Variants in TRPM5 observed in about 807,000 individuals in gnomAD.
The protein encoded by TRPM5 is transient receptor potential cation channel subfamily M member 5, also known as MLSN1 and TRP-related.
TRPM5 carries 121 observed loss-of-function variants against 124.9 expected under a neutral mutation model. The ratio of observed to expected loss-of-function variants is 0.97; its 90% CI spans 0.84 to 1.13. TRPM5 has a LOEUF of 1.13. Ranked by LOEUF, TRPM5 falls within the 50% of genes most tolerant of loss-of-function variation. The probability of loss-of-function intolerance (pLI) is 0.00; values close to 1 mark genes in which losing one functional copy is unlikely to be tolerated. For missense variants in TRPM5, 1,643 were observed against 1,589.1 expected, an observed-to-expected ratio of 1.03 and a Z score of -0.58; for synonymous variants, 781 against 700.5, an observed-to-expected ratio of 1.11 and a Z score of -1.81.
intron 3 of TRPM5, among the ~76,000 whole-genome samples, chr11:2,420,619 G>A (rs1412869819): frequency 6.6e-6 from 1 of 152,248 alleles, no homozygotes; most frequent in Non-Finnish European, 1.5e-5. Context: ...CAGGGGCGGT[G>A]GGGAGCGGGT....
intron 3 of TRPM5, 88 bp from the exon 9 acceptor site, chr11:2,420,493 C>A: frequency 7.1e-7 from 1 of 1,400,382 alleles, no homozygotes; most frequent in Non-Finnish European, 9.6e-7. Context: ...AGGCCGTGCA[C>A]ACCACGCCAT....
At chr11:2,440,109 A>G in the TRPM5 span, among the ~76,000 whole-genome samples, 2 of 152,146 alleles carry the variant, frequency 1.3e-5, no homozygotes, top group Non-Finnish European at 2.9e-5. The surrounding 1 kb of genome is among the most constrained non-coding windows in gnomAD (Gnocchi z 5.2). Flanking sequence ...GTTCTCACTT[A>G]TAAGTGGGAA....
the TRPM5 span, among the ~76,000 whole-genome samples, chr11:2,429,496 GTGT>G: frequency 6.6e-6 from 1 of 151,830 alleles, no homozygotes; most frequent in East Asian, 1.9e-4. The surrounding 1 kb of genome is among the most constrained non-coding windows in gnomAD (Gnocchi z 8.4). Context: ...TGTACTGGTG[GTGT>G]TGGTGATGGT....
At chr11:2,405,813 A>G (rs1850307919) in intron 22 of TRPM5, among the ~76,000 whole-genome samples, 1 of 152,164 alleles carries the variant, frequency 6.6e-6, no homozygotes, top group African/African-American at 2.4e-5. Flanking sequence ...TTAAGGCTGT[A>G]GCCTCCCAAG....
At chr11:2,409,332 A>G (rs1850394699) in intron 18 of TRPM5, among the ~76,000 whole-genome samples, 1 of 151,520 alleles carries the variant, frequency 6.6e-6, no homozygotes, top group Non-Finnish European at 1.5e-5. Context: ...CAGCCTGGAG[A>G]GCCTGTTTGT....
intron 5 of TRPM5, 84 bp from the exon 11 acceptor site, chr11:2,418,442 T>C (rs79070020): frequency 6.5e-7 from 1 of 1,541,486 alleles, no homozygotes; most frequent in Admixed American, 2.0e-5. Flanking sequence ...CCCCATCCCT[T>C]CAGCCCTGTC....
chr11:2,413,253 C>T lies in TRPM5; in HGVS notation c.2004-27G>A, dbSNP rs183407787. 394 of 1,511,078 alleles carry T rather than the reference C, an allele frequency of 2.6e-4. No homozygotes were observed. The African/African-American group carries it at 3.8e-3, about 15-fold the overall frequency. 93.6% of individuals were successfully genotyped at this position (1,511,078 alleles called of 1,614,324 possible). A position where few individuals can be genotyped will look rare whatever the true frequency, so the allele number is the denominator to read the frequency against. Reference sequence around the variant, plus strand: ...TGCGAGCACAGGAGAGCTCAGGGCCCGCAGGAAGGGCTCCCAGAGGCGCCT... The same window carrying T: ...TGCGAGCACAGGAGAGCTCAGGGCCTGCAGGAAGGGCTCCCAGAGGCGCCT... On this transcript the variant is annotated intron_variant, in intron 13 of 23. Coordinates refer to ENST00000155858, the Ensembl canonical transcript of TRPM5.
chr11:2,414,009 G>GGGGGC, intron 12 of TRPM5, 52 bp downstream of exon 17: 3 of 1,023,722 alleles, frequency 2.9e-6, no homozygotes, highest in Non-Finnish European at 4.3e-6. Flanking sequence ...GGCCCAGCTC[G>GGGGGC]CCCGCCCACC....
intron 23 of TRPM5, among the ~76,000 whole-genome samples, 155 bp from the exon 29 acceptor site, chr11:2,405,198 A>C (rs1219333449): frequency 6.6e-6 from 1 of 152,224 alleles, no homozygotes; most frequent in Admixed American, 6.5e-5. Context: ...GCCCAGAGAC[A>C]ACCAGGCCTC....
upstream of TRPM5, among the ~76,000 whole-genome samples, chr11:2,426,215 A>G (rs1845838930): frequency 2.0e-5 from 3 of 152,126 alleles, no homozygotes; most frequent in Non-Finnish European, 4.4e-5. Flanking sequence ...AGCTGAGGTC[A>G]GGGAAGCCGA....
At chr11:2,430,253 C>A in the TRPM5 span, among the ~76,000 whole-genome samples, 1 of 150,696 alleles carries the variant, frequency 6.6e-6, no homozygotes, top group Non-Finnish European at 1.5e-5. Context: ...CAGATACTGG[C>A]AGAACCTGGA....
At chr11:2,428,776 G>C in the TRPM5 span, among the ~76,000 whole-genome samples, 1 of 151,892 alleles carries the variant, frequency 6.6e-6, no homozygotes, top group African/African-American at 2.4e-5. The surrounding 1 kb of genome is among the most constrained non-coding windows in gnomAD (Gnocchi z 4.0). Flanking sequence ...GATGATGATG[G>C]TGGTGGGTGA....
At chr11:2,414,334 A>C in intron 11 of TRPM5, 128 bp from the exon 17 acceptor site, 1 of 1,353,544 alleles carries the variant, frequency 7.4e-7, no homozygotes, top group Non-Finnish European at 9.9e-7. Context: ...CGCAGGGCCC[A>C]GCCAGGCCTT....
At chr11:2,407,083 C>A (rs1554953597) in intron 20 of TRPM5, 36 bp downstream of exon 25, 1 of 1,022,508 alleles carries the variant, frequency 9.8e-7, no homozygotes, top group Non-Finnish European at 1.3e-6. Context: ...GCCACCTCGG[C>A]CTCACCCAGG....
At chr11:2,408,024 G>T in intron 18 of TRPM5, 112 bp from the exon 24 acceptor site, 2 of 1,395,856 alleles carry the variant, frequency 1.4e-6, no homozygotes, top group Non-Finnish European at 9.7e-7. Context: ...AGGGGACGGG[G>T]TGCTGGTTGG....
At chr11:2,422,844 T>C in intron 1 of TRPM5, 76 bp downstream of exon 6, 1 of 1,331,940 alleles carries the variant, frequency 7.5e-7, no homozygotes, top group Non-Finnish European at 1.1e-6. Flanking sequence ...GGCACTCAGC[T>C]TCCAGGGAAG....
At chr11:2,415,623 G>T in intron 8 of TRPM5, 152 bp from the exon 14 acceptor site, 1 of 655,152 alleles carries the variant, frequency 1.5e-6, no homozygotes, top group East Asian at 2.7e-5. Context: ...ACCCCAGCCT[G>T]CCCCCTGCAT....
the TRPM5 span, among the ~76,000 whole-genome samples, chr11:2,438,628 C>T: frequency 6.6e-6 from 1 of 152,112 alleles, no homozygotes; most frequent in Admixed American, 6.6e-5. The surrounding 1 kb of genome is among the most constrained non-coding windows in gnomAD (Gnocchi z 5.9). Flanking sequence ...GACTGTGTCA[C>T]TGCACTCCAG....
At chr11:2,414,240 C>T (rs189523020) in intron 11 of TRPM5, 34 bp from the exon 17 acceptor site, 5 of 1,589,726 alleles carry the variant, frequency 3.1e-6, no homozygotes, top group Middle Eastern at 2.1e-4. Context: ...TAGGACGAGA[C>T]GCCGATGCCC....
Sources: allele counts gnomAD v4.1 joint callset (sites outside exome capture counted in the v4.1 genomes callset), GRCh38; gene constraint gnomAD v4.1.1; non-coding constraint Gnocchi (gnomAD v3.1); transcripts MANE v1.5; gene names NCBI Gene and HGNC (gene_info 2026-07-23, HGNC 2026-07-21).